Variants in RAP1GAP2 observed in about 807,000 individuals in gnomAD.
RAP1GAP2 encodes the protein RAP1 GTPase activating protein 2.
RAP1GAP2 carries 27 observed loss-of-function variants against 95.0 expected under a neutral mutation model. The ratio of observed to expected loss-of-function variants is 0.28; its 90% confidence interval spans 0.21 to 0.39. RAP1GAP2 has a LOEUF of 0.39. RAP1GAP2 is among the 10% of genes least tolerant of loss of function. RAP1GAP2 has a pLI of 1.00. For missense variants in RAP1GAP2, 771 were observed against 970.0 expected, an observed-to-expected ratio of 0.79 and a Z score of 2.72; for synonymous variants, 373 against 380.9, an observed-to-expected ratio of 0.98 and a Z score of 0.24.
chr17:2,892,915 A>G lies in RAP1GAP2; in HGVS notation c.81-12369A>G, dbSNP rs563046753. Among the ~76,000 whole-genome samples, 4 of 152,070 alleles carry G rather than the reference A, an allele frequency of 2.6e-5. 1 individual carries two copies. The East Asian group carries it at 7.7e-4, about 29-fold the overall frequency. On this transcript the variant is annotated intron_variant, in intron 2 of 24. Transcript: ENST00000254695. ...TTTCTGGGAACTTTCTTGGTCGGCTATTTGATCTTTTTTCTCTTCCCTCTT... is the reference window on the plus strand; with the variant it reads ...TTTCTGGGAACTTTCTTGGTCGGCTGTTTGATCTTTTTTCTCTTCCCTCTT...
intron 2 of RAP1GAP2, among the ~76,000 whole-genome samples, chr17:2,900,236 A>G (rs571619048): frequency 6.6e-6 from 1 of 152,236 alleles, no homozygotes; most frequent in South Asian, 2.1e-4. Flanking sequence ...TATGATCCTG[A>G]GAGTAGATCC....
At chr17:2,765,632 A>G (rs1191237869) in intron 1 of RAP1GAP2, among the ~76,000 whole-genome samples, 4 of 151,882 alleles carry the variant, frequency 2.6e-5, no homozygotes, top group Non-Finnish European at 5.9e-5. Flanking sequence ...AGTCCCAGCT[A>G]CTTGGGAGGC....
upstream of RAP1GAP2, among the ~76,000 whole-genome samples, chr17:2,794,877 T>C (rs2069025597): frequency 2.1e-5 from 3 of 144,492 alleles, no homozygotes; most frequent in Admixed American, 2.1e-4. Flanking sequence ...TTCCTTTTTT[T>C]TTTTTTTTTT....
intron 23 of RAP1GAP2, among the ~76,000 whole-genome samples, 157 bp downstream of exon 23, chr17:3,031,155 G>A (rs2064789715): frequency 2.6e-5 from 4 of 152,254 alleles, no homozygotes; most frequent in East Asian, 1.9e-4. Context: ...GGTGCAGGCC[G>A]TGTCTCCGGG....
chr17:2,781,286 C>T (rs562137056), intron 1 of RAP1GAP2, among the ~76,000 whole-genome samples: 51 of 152,242 alleles, frequency 3.3e-4, no homozygotes, highest in Non-Finnish European at 6.2e-4. Flanking sequence ...ACTTGGGGGA[C>T]TCTGGCACAG....
In RAP1GAP2 at chr17:2,897,817, C is replaced by T. The variant is rs187387652; in HGVS notation, c.81-7467C>T. Among the ~76,000 whole-genome samples the T allele has an allele frequency of 7.9e-5, 12 of 152,168 alleles. No homozygotes were observed. The East Asian group carries it at 1.7e-3, about 22-fold the overall frequency. On this transcript the variant is annotated intron_variant, in intron 2 of 24. Coordinates refer to ENST00000254695, the MANE Select transcript of RAP1GAP2 (RefSeq NM_015085.5). ...GTGCTTGTCTGCATAATGAGGCTGT[C>T]GGGTGGCATCTGGTGCTTTCTCCCA...
At chr17:2,800,659 T>G in intron 2 of RAP1GAP2, 109 bp downstream of exon 2, 1 of 1,201,958 alleles carries the variant, frequency 8.3e-7, no homozygotes. Context: ...GTCGTGTTTG[T>G]CAGATTCCAG....
chr17:2,861,352 C>T (rs2072379256), intron 2 of RAP1GAP2, among the ~76,000 whole-genome samples: 1 of 152,012 alleles, frequency 6.6e-6, no homozygotes, highest in South Asian at 2.1e-4. Context: ...CCTTCTTTAC[C>T]TCTGGGTCTC....
intron 2 of RAP1GAP2, among the ~76,000 whole-genome samples, chr17:2,872,415 G>C (rs1003021256): frequency 6.6e-6 from 1 of 151,872 alleles, no homozygotes; most frequent in Non-Finnish European, 1.5e-5. Flanking sequence ...GAAAAAGAAG[G>C]TCATATAAGC....
Position 2,904,530 on chromosome 17 carries a change from C to CTGTGTGTGTGTGTGTGTGTGTGTGTGTG in RAP1GAP2, c.81-742_81-715dup, listed in dbSNP as rs5818880. Among the ~76,000 whole-genome samples, 42 of 129,158 alleles carry CTGTGTGTGTGTGTGTGTGTGTGTGTGTG rather than the reference C, an allele frequency of 3.3e-4. 1 individual carries two copies. The highest frequency in any genetic ancestry group is 5.1e-4 in the Non-Finnish European group (31 of 60,554). 84.7% of individuals were successfully genotyped at this position (129,158 alleles called of 152,430 possible). On this transcript the variant is annotated intron_variant, in intron 2 of 24. Transcript: ENST00000254695. The surrounding 1 kb of genome is among the most constrained non-coding windows in gnomAD (Gnocchi z 4.7). ...CCGAGGACAGCTTTTTGACCAGGGCCTGTGTGTGTGTGTGTGTGTGTGTGT... is the reference window on the plus strand; with the variant it reads ...CCGAGGACAGCTTTTTGACCAGGGCCTGTGTGTGTGTGTGTGTGTGTGTGTGTGTGTGTGTGTGTGTGTGTGTGTGTGT...
At chr17:2,957,994 G>A (rs150489860) in intron 4 of RAP1GAP2, among the ~76,000 whole-genome samples, 200 bp downstream of exon 4, 252 of 152,244 alleles carry the variant, frequency 1.7e-3, no homozygotes, top group African/African-American at 5.3e-3. Context: ...AGACTCCTGC[G>A]GAGGGACAGG....
intron 3 of RAP1GAP2, among the ~76,000 whole-genome samples, chr17:2,927,073 C>CT (rs1237996834): frequency 2.0e-5 from 3 of 150,134 alleles, no homozygotes; most frequent in African/African-American, 7.3e-5. Flanking sequence ...AGGGGACAAT[C>CT]TATCCTCTTG....
chr17:2,955,215 C>T (rs972615177), intron 3 of RAP1GAP2, among the ~76,000 whole-genome samples: 29 of 152,138 alleles, frequency 1.9e-4, no homozygotes, highest in Admixed American at 1.9e-3. Flanking sequence ...AATGATTTTC[C>T]ACAATGGCTG....
intron 3 of RAP1GAP2, among the ~76,000 whole-genome samples, chr17:2,954,225 C>T (rs1237567702): frequency 6.6e-6 from 1 of 152,188 alleles, no homozygotes; most frequent in East Asian, 1.9e-4. Flanking sequence ...CTGCCTCAGC[C>T]TCCTGAGTAG....
At chr17:3,015,196 C>G (rs1420327409) in intron 17 of RAP1GAP2, among the ~76,000 whole-genome samples, 1 of 119,008 alleles carries the variant, frequency 8.4e-6, no homozygotes, top group African/African-American at 3.2e-5. Flanking sequence ...TGACCCTGTT[C>G]TATGGTATAG....
chr17:2,952,514 G>T (rs1003570604), intron 3 of RAP1GAP2, among the ~76,000 whole-genome samples: 1 of 152,112 alleles, frequency 6.6e-6, no homozygotes, highest in African/African-American at 2.4e-5. Context: ...TATTTTAAAC[G>T]GTTTGGATAC....
chr17:2,789,440 A>G (rs917859802), intron 1 of RAP1GAP2, among the ~76,000 whole-genome samples: 1 of 152,082 alleles, frequency 6.6e-6, no homozygotes, highest in African/African-American at 2.4e-5. Flanking sequence ...TAGCTTCTTT[A>G]GTTCAGAGCC....
At chr17:2,799,140 C>A in intron 1 of RAP1GAP2, among the ~76,000 whole-genome samples, 2 of 152,336 alleles carry the variant, frequency 1.3e-5, no homozygotes, top group Middle Eastern at 6.8e-3. Flanking sequence ...CTGGGTTGCA[C>A]GCGTTACAGC....
rs1228650093 is a variant in RAP1GAP2, at chr17:3,008,893, G to C, written c.1494+748G>C. 6.6e-6 allele frequency among the ~76,000 whole-genome samples: 1 copy of C among 152,156 alleles called. No individual in the cohort carries two copies. The highest frequency in any genetic ancestry group is 1.5e-5 in the Non-Finnish European group (1 of 68,026). ...TCTTGTTATATTCACGAACACACGT[G>C]GGGACAGGATGAGAGACGCCACAGG... is the stretch of plus-strand genomic sequence containing the variant. On this transcript the variant is annotated intron_variant, in intron 17 of 24. Coordinates refer to ENST00000254695, the MANE Select transcript of RAP1GAP2 (RefSeq NM_015085.5). This position sits in a 1 kb window ranked among gnomAD's most constrained non-coding sequence, Gnocchi z 4.2.
Sources: allele counts gnomAD v4.1 joint callset (sites outside exome capture counted in the v4.1 genomes callset), GRCh38; gene constraint gnomAD v4.1.1; non-coding constraint Gnocchi (gnomAD v3.1); transcripts MANE v1.5; gene names NCBI Gene and HGNC (gene_info 2026-07-23, HGNC 2026-07-21).